The following SLC35F1 variants were observed in gnomAD, a reference collection of about 807,000 sequenced individuals.
SLC35F1 encodes chromosome 6 open reading frame 169.
SLC35F1 carries 14 observed loss-of-function variants against 48.7 expected under a neutral mutation model. The ratio of observed to expected loss-of-function variants is 0.29; its 90% CI spans 0.19 to 0.45. The LOEUF is 0.45. Ranked by LOEUF, SLC35F1 falls within the 20% of genes least tolerant of loss-of-function variation. The pLI, the probability that SLC35F1 is intolerant of heterozygous loss-of-function variation, is 1.00. For missense variants in SLC35F1, 404 were observed against 500.0 expected, an observed-to-expected ratio of 0.81 and a Z score of 1.83; for synonymous variants, 190 against 202.2, an observed-to-expected ratio of 0.94 and a Z score of 0.51.
At chr6:118,270,651 TTC>T (rs1775840231) in intron 4 of SLC35F1, among the ~76,000 whole-genome samples, 1 of 152,228 alleles carries the variant, frequency 6.6e-6, no homozygotes, top group South Asian at 2.1e-4. Context: ...AATATGTGTA[TTC>T]TCTTTGTCAC....
intron 1 of SLC35F1, among the ~76,000 whole-genome samples, chr6:117,967,624 G>C (rs1345069938): frequency 6.6e-6 from 1 of 152,080 alleles, no homozygotes; most frequent in Non-Finnish European, 1.5e-5. Context: ...CTGGCTTTTT[G>C]GCAATTTCTG....
intron 1 of SLC35F1, among the ~76,000 whole-genome samples, chr6:118,005,195 A>G (rs1256458983): frequency 1.3e-5 from 2 of 152,070 alleles, no homozygotes; most frequent in South Asian, 2.1e-4. Flanking sequence ...CCCTGGTAGT[A>G]TGGTCCCTAT....
intron 2 of SLC35F1, among the ~76,000 whole-genome samples, chr6:118,175,276 T>C (rs1226169828): frequency 1.3e-5 from 2 of 152,156 alleles, no homozygotes; most frequent in African/African-American, 2.4e-5. Context: ...TTAGACAAGC[T>C]CCACTTTCCT....
intron 7 of SLC35F1, among the ~76,000 whole-genome samples, chr6:118,310,977 C>T (rs575060823): frequency 1.3e-5 from 2 of 152,252 alleles, no homozygotes; most frequent in South Asian, 2.1e-4. Context: ...GGAATCCAAT[C>T]CTTCTACCTG....
chr6:117,986,991 A>G (rs1776856278), intron 1 of SLC35F1, among the ~76,000 whole-genome samples: 1 of 152,194 alleles, frequency 6.6e-6, no homozygotes, highest in Non-Finnish European at 1.5e-5. Flanking sequence ...TGCCTAGGGT[A>G]CTAAGGAGTG....
chr6:117,932,130 CCCACTG>C (rs1438366985), intron 1 of SLC35F1, among the ~76,000 whole-genome samples: 1 of 152,080 alleles, frequency 6.6e-6, no homozygotes, highest in African/African-American at 2.4e-5. Flanking sequence ...TTTTTGCCCT[CCCACTG>C]TGTGAGGACG....
At chr6:117,973,623 T>G (rs556098621) in intron 1 of SLC35F1, among the ~76,000 whole-genome samples, 39 of 152,244 alleles carry the variant, frequency 2.6e-4, no homozygotes, top group Admixed American at 1.9e-3. Context: ...CAGGCTGGAA[T>G]GCAGTCATGC....
intron 1 of SLC35F1, among the ~76,000 whole-genome samples, chr6:118,076,152 T>G (rs1582652460): frequency 6.6e-6 from 1 of 152,374 alleles, no homozygotes; most frequent in Admixed American, 6.5e-5. Flanking sequence ...TGATTTCTGC[T>G]TCATAGTATG....
chr6:118,112,086 CTTTTCT>C (rs1173811443), intron 1 of SLC35F1, among the ~76,000 whole-genome samples: 704 of 14,578 alleles, frequency 0.048, 6 homozygotes, highest in Non-Finnish European at 0.077. Context: ...TTATTTCTTT[CTTTTCT>C]TTTCTTTTCT....
Position 117,970,849 on chromosome 6 carries a change from C to T in SLC35F1, c.173+62950C>T, listed in dbSNP as rs117724145. 9.3e-3 allele frequency among the ~76,000 whole-genome samples: 1,422 copies of T among 152,256 alleles called. 14 individuals are homozygous for T. The highest frequency in any genetic ancestry group is 0.032 in the South Asian group (153 of 4,826). ...ATTAGTTCCTACTGGGTCCCTTTCACGACATGTAGGGATTATGGGAACTAC... is the reference window on the plus strand; with the variant it reads ...ATTAGTTCCTACTGGGTCCCTTTCATGACATGTAGGGATTATGGGAACTAC... On this transcript the variant is annotated intron_variant, in intron 1 of 7. Coordinates refer to ENST00000360388, the MANE Select transcript of SLC35F1 (RefSeq NM_001029858.4).
intron 1 of SLC35F1, among the ~76,000 whole-genome samples, chr6:117,942,808 G>A (rs376084650): frequency 6.6e-6 from 1 of 152,094 alleles, no homozygotes; most frequent in Non-Finnish European, 1.5e-5. Context: ...AATTATCATT[G>A]TTGTTAGCAA....
rs1257636485 is a variant in SLC35F1, at chr6:118,235,555, C to T, written c.396C>T (p.Tyr132=). Residue 132 remains tyrosine (Y), a synonymous_variant, in exon 3 of 8, where the codon TAC becomes TAT. Coordinates refer to ENST00000360388, the MANE Select transcript of SLC35F1 (RefSeq NM_001029858.4). ...LAILRRRWWK[Y]MILGLIDLEA... is the part of the protein sequence containing the mutation. ...TTTTACGACGAAGATGGTGGAAGTACATGATTTTGGGACTCATAGACCTGG... is the reference window on the plus strand; with the variant it reads ...TTTTACGACGAAGATGGTGGAAGTATATGATTTTGGGACTCATAGACCTGG... 2 of 1,613,370 alleles carry T rather than the reference C, an allele frequency of 1.2e-6. No individual in the cohort carries two copies. Among genetic ancestry groups the T allele is most frequent in the Non-Finnish European group, 8.5e-7 (1 of 1,179,670 alleles).
At chr6:118,280,691 A>G (rs1316102445) in intron 6 of SLC35F1, among the ~76,000 whole-genome samples, 1 of 152,088 alleles carries the variant, frequency 6.6e-6, no homozygotes, top group Non-Finnish European at 1.5e-5. Context: ...CAGCCTGGCC[A>G]ACATGGTGAA....
chr6:118,229,202 G>A (rs9387565), intron 2 of SLC35F1, among the ~76,000 whole-genome samples: 45,888 of 151,822 alleles, frequency 0.3, 7,785 homozygotes, highest in East Asian at 0.63. Context: ...GCAAGTAGTC[G>A]AGCATATGAC....
At chr6:118,018,541 G>A (rs1777353206) in intron 1 of SLC35F1, among the ~76,000 whole-genome samples, 1 of 151,824 alleles carries the variant, frequency 6.6e-6, no homozygotes, top group Non-Finnish European at 1.5e-5. Flanking sequence ...TATTATTATT[G>A]TTGTTGTTAG....
At chr6:117,917,132 A>G (rs887003602) in intron 1 of SLC35F1, among the ~76,000 whole-genome samples, 2 of 152,134 alleles carry the variant, frequency 1.3e-5, no homozygotes, top group African/African-American at 4.8e-5. Flanking sequence ...ACTGAAGCTA[A>G]GATTAGAATA....
At chr6:118,271,605 T>C (rs531516328) in intron 4 of SLC35F1, among the ~76,000 whole-genome samples, 18 of 152,364 alleles carry the variant, frequency 1.2e-4, no homozygotes, top group African/African-American at 4.1e-4. Context: ...ATTTATTTCT[T>C]GTCCTAGTAG....
At chr6:117,963,577 A>G (rs1359701168) in intron 1 of SLC35F1, among the ~76,000 whole-genome samples, 1 of 152,180 alleles carries the variant, frequency 6.6e-6, no homozygotes, top group East Asian at 1.9e-4. Context: ...GAAACTGTTA[A>G]TTGATGCTTT....
chr6:118,121,464 C>T (rs1773552134), intron 1 of SLC35F1, among the ~76,000 whole-genome samples: 1 of 152,086 alleles, frequency 6.6e-6, no homozygotes, highest in Non-Finnish European at 1.5e-5. Flanking sequence ...CAGAGTCACG[C>T]CCCTAGTAAA....
Sources: gnomAD v4.1 joint callset for allele counts (sites outside exome capture counted in the v4.1 genomes callset) on GRCh38, gnomAD v4.1.1 for gene constraint, MANE v1.5 for transcripts, NCBI Gene and HGNC (gene_info 2026-07-23, HGNC 2026-07-21) for gene names.